Variants in ADAMTSL3 observed in about 807,000 individuals in gnomAD.
ADAMTSL3 encodes the protein ADAMTS like 3.
In ADAMTSL3, 128 loss-of-function variants were observed where a neutral mutation model predicts 201.7. That is an observed-to-expected ratio of 0.63 (90% CI 0.55 to 0.73). The LOEUF is 0.73. Ranked by LOEUF, ADAMTSL3 falls within the 30% of genes least tolerant of loss-of-function variation. ADAMTSL3 has a pLI of 0.00. For synonymous variants in ADAMTSL3, 738 were observed against 748.4 expected (o/e 0.99, Z 0.23); for missense variants, 1,990 against 2,119.6 (o/e 0.94, Z 1.20).
At position 83,913,314 on chromosome 15, in the gene ADAMTSL3, C is replaced by G. The variant is rs763558852; in HGVS notation, c.1923C>G (p.Asp641Glu). The G allele has an allele frequency of 1.9e-6, 3 of 1,613,898 alleles. No homozygotes were observed. The South Asian group carries it at 3.3e-5, about 18-fold the overall frequency. ...SRELDIPLPE[D>E]SETTYDWEYA... The stretch of plus-strand genomic sequence containing the variant: ...AGCTAGACATCCCTCTCCCTGAGGA[C>G]AGTGAGACGACTTACGACTGGGAGT... The change falls in exon 16 of 30, where the codon GAC (aspartate) becomes GAG (glutamate). Residue 641 changes from aspartate to glutamate, a missense_variant. Transcript: ENST00000286744.
At chr15:83,912,137 C>T (rs573416538) in intron 15 of ADAMTSL3, among the ~76,000 whole-genome samples, 104 of 152,194 alleles carry the variant, frequency 6.8e-4, no homozygotes, top group African/African-American at 1.9e-3. Context: ...TCTGTCCCTA[C>T]GGAATCTGGT....
At position 83,991,143 on chromosome 15, in the gene ADAMTSL3, T is replaced by C. The variant is rs1464487474; in HGVS notation, c.3902T>C (p.Leu1301Pro). The change falls in exon 23 of 30, where the codon CTG (leucine) becomes CCG (proline). Residue 1301 changes from leucine (L) to proline (P), a missense_variant. Transcript: ENST00000286744. ...ATCACCAAACCAGAGCACAACCATC[T>C]GTCTGTTGTGGTTGGAGGCATCGTG... ...RNITKPEHNH[L>P]SVVVGGIVEA... The C allele has an allele frequency of 6.2e-7, 1 of 1,614,206 alleles. No homozygotes were observed. Among genetic ancestry groups the C allele is most frequent in the Non-Finnish European group, 8.5e-7 (1 of 1,180,004 alleles).
At chr15:83,961,131 AAG>A (rs1336039427) in intron 19 of ADAMTSL3, among the ~76,000 whole-genome samples, 1 of 152,196 alleles carries the variant, frequency 6.6e-6, no homozygotes, top group African/African-American at 2.4e-5. Context: ...GTCAGGAAAA[AAG>A]AAAAATTTTT....
chr15:83,962,239 A>C (rs1223471344), intron 19 of ADAMTSL3: 1 of 152,114 alleles, frequency 6.6e-6, no homozygotes, highest in Non-Finnish European at 1.5e-5. Flanking sequence ...CGTGGAACTG[A>C]GTCTATTAAA....
At chr15:83,876,968 A>G (rs1036420034) in intron 9 of ADAMTSL3, among the ~76,000 whole-genome samples, 2 of 152,076 alleles carry the variant, frequency 1.3e-5, no homozygotes, top group African/African-American at 4.8e-5. Flanking sequence ...AGTTTTCTGT[A>G]TTTTTAGTAG....
At chr15:83,998,560 AGGTAAAACAAGTTCACT>A (rs1344849966) in intron 23 of ADAMTSL3, among the ~76,000 whole-genome samples, 1 of 152,216 alleles carries the variant, frequency 6.6e-6, no homozygotes, top group Non-Finnish European at 1.5e-5. Flanking sequence ...CTAATGTTGA[AGGTAAAACAAGTTCACT>A]GGGGGGAAAG....
chr15:83,711,910 TATG>T (rs2061938596), intron 3 of ADAMTSL3, among the ~76,000 whole-genome samples: 1 of 152,182 alleles, frequency 6.6e-6, no homozygotes, highest in Non-Finnish European at 1.5e-5. Context: ...ACTTACACCC[TATG>T]GGTTAAGGGG....
At position 83,760,058 on chromosome 15, in the gene ADAMTSL3, G is replaced by A. The variant is rs2062783995; in HGVS notation, c.190-13465G>A. Among the ~76,000 whole-genome samples the A allele has an allele frequency of 2.0e-5, 3 of 151,626 alleles. 1 individual carries two copies. In the South Asian group the frequency reaches 6.2e-4, roughly 32 times the overall value. On this transcript the variant is annotated intron_variant, in intron 3 of 29. Transcript: ENST00000286744. ...TATTTTTGTTTTCCATTTCATAATT[G>A]CTGTTGTCATCCTTATTATTCTACT...
At chr15:84,004,784 C>CTTATGG (rs2067863722) in intron 23 of ADAMTSL3, among the ~76,000 whole-genome samples, 2 of 151,870 alleles carry the variant, frequency 1.3e-5, no homozygotes, top group African/African-American at 4.8e-5. Context: ...TTTTGAGATG[C>CTTATGG]GTCTTTAAGA....
At chr15:83,890,446 T>C (rs1242009337) in intron 11 of ADAMTSL3, among the ~76,000 whole-genome samples, 199 bp downstream of exon 11, 1 of 152,216 alleles carries the variant, frequency 6.6e-6, no homozygotes, top group Non-Finnish European at 1.5e-5. Context: ...AGCTTTCTCT[T>C]GTCGTGGGCT....
At chr15:83,904,443 G>A (rs925228599) in intron 15 of ADAMTSL3, among the ~76,000 whole-genome samples, 2 of 152,088 alleles carry the variant, frequency 1.3e-5, no homozygotes, top group African/African-American at 4.8e-5. Flanking sequence ...GAACGCAGCT[G>A]TATTTTACAT....
intron 2 of ADAMTSL3, among the ~76,000 whole-genome samples, chr15:83,676,358 C>T (rs2061405110): frequency 6.6e-6 from 1 of 151,958 alleles, no homozygotes; most frequent in African/African-American, 2.4e-5. Flanking sequence ...TGTTTGTGTC[C>T]ATCCACCTCC....
chr15:83,895,730 T>C (rs1373905061), intron 13 of ADAMTSL3, among the ~76,000 whole-genome samples: 1 of 151,818 alleles, frequency 6.6e-6, no homozygotes, highest in African/African-American at 2.4e-5. Flanking sequence ...TCTTTCTTTT[T>C]GGGTGAATTT....
At chr15:83,889,877 A>C (rs1596362211) in intron 10 of ADAMTSL3, among the ~76,000 whole-genome samples, 1 of 152,320 alleles carries the variant, frequency 6.6e-6, no homozygotes, top group East Asian at 1.9e-4. Context: ...TTAAAAAGAT[A>C]CTGTTTTCCT....
chr15:83,759,209 C>CT (rs1290100219), intron 3 of ADAMTSL3, among the ~76,000 whole-genome samples: 9 of 151,530 alleles, frequency 5.9e-5, no homozygotes, highest in Non-Finnish European at 1.0e-4. Flanking sequence ...CATGTTAATA[C>CT]TTTATCATTT....
rs74026638 is a variant in ADAMTSL3, at chr15:84,033,056, A to G, written c.4754+1624A>G. Among the ~76,000 whole-genome samples the G allele has an allele frequency of 3.0e-3, 453 of 152,092 alleles. 1 individual carries two copies. The highest frequency in any genetic ancestry group is 0.01 in the African/African-American group (432 of 41,486). On this transcript the variant is annotated intron_variant, in intron 28 of 29. Transcript: ENST00000286744. ...TGTGTACTTTCCTGATTACTTTTTTATATGATTTTTTATTCCTTATATTTT... is the reference window on the plus strand; with the variant it reads ...TGTGTACTTTCCTGATTACTTTTTTGTATGATTTTTTATTCCTTATATTTT...
At chr15:83,843,534 G>A (rs900337356) in intron 7 of ADAMTSL3, among the ~76,000 whole-genome samples, 4 of 152,146 alleles carry the variant, frequency 2.6e-5, no homozygotes, top group African/African-American at 9.7e-5. Context: ...TTTTCCCTAG[G>A]CCATATGGAA....
At chr15:83,990,532 C>T (rs1410698087) in intron 22 of ADAMTSL3, among the ~76,000 whole-genome samples, 1 of 152,126 alleles carries the variant, frequency 6.6e-6, no homozygotes, top group Non-Finnish European at 1.5e-5. Flanking sequence ...TGGAAAAAAC[C>T]TCTTATTACG....
intron 19 of ADAMTSL3, 98 bp downstream of exon 19, chr15:83,943,180 G>A (rs970945443): frequency 7.3e-7 from 1 of 1,376,032 alleles, no homozygotes; most frequent in Non-Finnish European, 9.7e-7. Context: ...ACTACTGTGA[G>A]ATGAGTATGG....
Sources: gnomAD v4.1 joint callset for allele counts (sites outside exome capture counted in the v4.1 genomes callset) on GRCh38, gnomAD v4.1.1 for gene constraint, MANE v1.5 for transcripts, NCBI Gene and HGNC (gene_info 2026-07-23, HGNC 2026-07-21) for gene names.